The following OS9 variants were observed in gnomAD, a reference collection of about 807,000 sequenced individuals.
The protein encoded by OS9 is protein OS-9.
OS9 carries 58 observed loss-of-function variants against 84.7 expected under a neutral mutation model. The ratio of observed to expected loss-of-function variants is 0.68; its 90% CI spans 0.55 to 0.85. The LOEUF is 0.85. Among genes scored for constraint, OS9 ranks in the 40% least tolerant of loss-of-function variants. OS9 has a pLI of 0.00. For missense variants in OS9, 760 were observed against 850.9 expected (o/e 0.89, Z 1.33); for synonymous variants, 278 against 320.8 (o/e 0.87, Z 1.43).
At chr12:57,711,369 C>T (rs1264157054) in intron 5 of OS9, among the ~76,000 whole-genome samples, 8 of 92,800 alleles carry the variant, frequency 8.6e-5, no homozygotes, top group East Asian at 3.6e-4. Flanking sequence ...TTTTTTGAGA[C>T]GGAGTCTTGC....
At chr12:57,708,400 G>A (rs1313656062) in intron 5 of OS9, among the ~76,000 whole-genome samples, 1 of 152,056 alleles carries the variant, frequency 6.6e-6, no homozygotes, top group Non-Finnish European at 1.5e-5. Context: ...GGGAAGTGGA[G>A]GCAGGAGGAT....
intron 5 of OS9, among the ~76,000 whole-genome samples, chr12:57,711,656 T>G (rs574492219): frequency 7.2e-5 from 11 of 152,342 alleles, no homozygotes; most frequent in African/African-American, 2.2e-4. Context: ...TTTTTTGTTT[T>G]TATAGCTGCA....
In OS9 at chr12:57,696,334, G is replaced by C. The variant is rs765243214; in HGVS notation, c.540G>C (p.Lys180Asn). The C allele has an allele frequency of 6.2e-7, 1 of 1,613,732 alleles. No homozygotes were observed. The highest frequency in any genetic ancestry group is 8.5e-7 in the Non-Finnish European group (1 of 1,179,840). ...GCCAGACCTATGGCAATGGGTCCAA[G>C]TGCGACCTTAATGGGAGGCCCCGGG... is the stretch of plus-strand genomic sequence containing the variant. Reference protein sequence around the residue: ...YHSQTYGNGSKCDLNGRPREA... With the variant: ...YHSQTYGNGSNCDLNGRPREA... The change falls in exon 5 of 15, where the codon AAG (lysine) becomes AAC (asparagine). Residue 180 changes from lysine (K) to asparagine (N), a missense_variant. Physicochemically the swap from Lys to Asn is moderately conservative, Grantham distance 94. Transcript: ENST00000315970.
chr12:57,694,706 C>A (rs2058535541), intron 1 of OS9, 44 bp from the exon 2 acceptor site: 14 of 1,595,210 alleles, frequency 8.8e-6, no homozygotes, highest in Non-Finnish European at 1.2e-5. Context: ...CTGATCCCAG[C>A]CTTTCTTTGC....
intron 5 of OS9, among the ~76,000 whole-genome samples, chr12:57,709,274 C>G (rs1035883156): frequency 6.6e-6 from 1 of 152,172 alleles, no homozygotes; most frequent in African/African-American, 2.4e-5. Flanking sequence ...TTCAATCTGT[C>G]TTCTCTCTTA....
intron 5 of OS9, among the ~76,000 whole-genome samples, chr12:57,711,311 TAG>T (rs35578706): frequency 0.6 from 85,812 of 144,088 alleles, 26,464 homozygotes; most frequent in Middle Eastern, 0.7. Context: ...CAATAAACCT[TAG>T]AGAGATCTTT....
At position 57,720,970 on chromosome 12, in the gene OS9, T is replaced by C; in HGVS notation, c.*61T>C. On this transcript the variant is annotated 3_prime_UTR_variant, in exon 15 of 15. Transcript: ENST00000315970. ...ACTCTTCCTGGACTGGCTTGCCTCC[T>C]CCCCACCTCCCCACCCTGGAACCCC... 3 of 1,581,262 alleles carry C rather than the reference T, an allele frequency of 1.9e-6. No individual in the cohort carries two copies. Among genetic ancestry groups the C allele is most frequent in the Non-Finnish European group, 2.6e-6 (3 of 1,153,074 alleles).
chr12:57,694,779 C>T lies in OS9; in HGVS notation c.192C>T (p.Ser64=). ...QSQSSDVVIV[S]SKYKQRYECR... is the part of the protein sequence containing the mutation. ...AATCTTCGGACGTGGTGATTGTCTC[C>T]TCTAAGTACAAACAGCGCTATGAGT... The change falls in exon 2 of 15, where the codon TCC becomes TCT. Residue 64 remains serine, a synonymous_variant. Coordinates refer to ENST00000315970, the MANE Select transcript of OS9 (RefSeq NM_006812.4). 1 of 1,614,014 alleles carries T rather than the reference C, an allele frequency of 6.2e-7. No homozygotes were observed. The highest frequency in any genetic ancestry group is 1.1e-5 in the South Asian group (1 of 91,080).
intron 5 of OS9, among the ~76,000 whole-genome samples, chr12:57,700,261 T>A (rs1953981385): frequency 6.6e-6 from 1 of 152,072 alleles, no homozygotes; most frequent in South Asian, 2.1e-4. Context: ...GACTAGAACA[T>A]GTTGAAGACT....
intron 7 of OS9, 94 bp downstream of exon 7, chr12:57,716,287 G>GGGGGGGGGGGA: frequency 1.3e-6 from 1 of 745,064 alleles, no homozygotes; most frequent in Non-Finnish European, 2.3e-6. Context: ...GGTGGGGGGG[G>GGGGGGGGGGGA]GTGGAAAAGT....
Position 57,694,135 on chromosome 12 carries a change from T to G in OS9, c.-27T>G, listed in dbSNP as rs771445819. On this transcript the variant is annotated 5_prime_UTR_variant, in exon 1 of 15. Coordinates refer to ENST00000315970, the MANE Select transcript of OS9 (RefSeq NM_006812.4). The stretch of plus-strand genomic sequence containing the variant: ...CTGCCTGGCTTAGGGCGGAAACAGA[T>G]TCTCTGCATAAGAAGGGGAACGAAA... 3.1e-6 allele frequency: 5 copies of G among 1,613,688 alleles called. No individual in the cohort carries two copies. The highest frequency in any genetic ancestry group is 2.5e-6 in the Non-Finnish European group (3 of 1,179,622).
intron 5 of OS9, among the ~76,000 whole-genome samples, chr12:57,705,607 G>A (rs1476821250): frequency 6.6e-6 from 1 of 152,024 alleles, no homozygotes; most frequent in Non-Finnish European, 1.5e-5. Context: ...GCTCACTGCA[G>A]CCTCTGCCTC....
rs1565767100 is a variant in OS9, at chr12:57,697,923, A to ACGGAACC, written c.579+1550_579+1551insCGGAACC. On this transcript the variant is annotated intron_variant, in intron 5 of 14. Transcript: ENST00000315970. The stretch of plus-strand genomic sequence containing the variant: ...AACATAAGCAAACACACACACACAC[A>ACGGAACC]TACACACACACACACACACACACAC... Among the ~76,000 whole-genome samples the ACGGAACC allele has an allele frequency of 9.3e-4, 59 of 63,730 alleles. 2 individuals carry two copies. Among genetic ancestry groups the ACGGAACC allele is most frequent in the African/African-American group, 2.0e-3 (38 of 18,638 alleles). The allele number at this position is 63,730 out of a possible 152,430, so 41.8% of individuals were successfully genotyped here.
intron 5 of OS9, among the ~76,000 whole-genome samples, chr12:57,713,526 CCT>C (rs141126002): frequency 0.028 from 4,197 of 152,164 alleles, 150 homozygotes; most frequent in African/African-American, 0.082. Context: ...TGAGGTAAAG[CCT>C]CTGCCCTGTG....
intron 9 of OS9, among the ~76,000 whole-genome samples, chr12:57,717,514 C>T (rs946693502): frequency 2.0e-5 from 3 of 152,086 alleles, no homozygotes; most frequent in Admixed American, 6.6e-5. Flanking sequence ...GAAAAAGAGC[C>T]GGGCGTGGTG....
At chr12:57,710,009 T>C (rs1028743862) in intron 5 of OS9, among the ~76,000 whole-genome samples, 1 of 152,050 alleles carries the variant, frequency 6.6e-6, no homozygotes, top group Non-Finnish European at 1.5e-5. Context: ...TGTGCCACCA[T>C]GCCCAGCTAA....
chr12:57,700,310 G>A (rs1179744350), intron 5 of OS9, among the ~76,000 whole-genome samples: 1 of 152,004 alleles, frequency 6.6e-6, no homozygotes, highest in African/African-American at 2.4e-5. Flanking sequence ...GGGAAGTCAA[G>A]GTACAGTAGA....
rs559461818 is a variant in OS9, at chr12:57,719,985, G to A, written c.1601-114G>A. 9 of 950,528 alleles carry A rather than the reference G, an allele frequency of 9.5e-6. No homozygotes were observed. The African/African-American group carries it at 9.8e-5, about 10-fold the overall frequency. 58.9% of individuals were successfully genotyped at this position (950,528 alleles called of 1,614,324 possible). On this transcript the variant is annotated intron_variant, in intron 12 of 14. Coordinates refer to ENST00000315970, the MANE Select transcript of OS9 (RefSeq NM_006812.4). ...TTGAGCCCTGGCTCATATACATGTT[G>A]AGATGGAAGAGCTGCCAAAGCCAAC...
In OS9 at chr12:57,718,463, G is replaced by T. The variant is rs1295108340; in HGVS notation, c.1410+42G>T. ...CTCCTGTTGCTTCCACAGCCGCCTG[G>T]TCCCGTGGAGCAGGACAGGCTGACG... On this transcript the variant is annotated intron_variant, in intron 11 of 14. Transcript: ENST00000315970. 57 of 1,590,002 alleles carry T rather than the reference G, an allele frequency of 3.6e-5. No individual in the cohort carries two copies. In the East Asian group the frequency reaches 1.2e-3, roughly 34 times the overall value.
Sources: allele counts gnomAD v4.1 joint callset (sites outside exome capture counted in the v4.1 genomes callset), GRCh38; gene constraint gnomAD v4.1.1; transcripts MANE v1.5; gene names NCBI Gene and HGNC (gene_info 2026-07-23, HGNC 2026-07-21).